Variants in RCL1 observed in about 807,000 individuals in gnomAD.
RCL1 encodes RNA terminal phosphate cyclase like 1.
A neutral mutation model predicts 42.4 loss-of-function variants in RCL1; 24 were observed. That is an observed-to-expected ratio of 0.57 (90% CI 0.41 to 0.80). The LOEUF (loss-of-function observed/expected upper bound fraction) is 0.80, where lower values mean the gene tolerates loss of function less well. Ranked by LOEUF, RCL1 falls within the 30% of genes least tolerant of loss-of-function variation. The pLI, the probability that RCL1 is intolerant of heterozygous loss-of-function variation, is 0.00. For synonymous variants in RCL1, 228 were observed against 177.3 expected (o/e 1.29, Z -2.27); for missense variants, 578 against 467.9 (o/e 1.24, Z -2.17).
intron 1 of RCL1, among the ~76,000 whole-genome samples, chr9:4,810,883 C>A (rs988911890): frequency 1.3e-4 from 20 of 152,152 alleles, no homozygotes; most frequent in Admixed American, 4.6e-4. Flanking sequence ...AGACTGAGCA[C>A]CCTTTCTTTT....
At chr9:4,854,211 C>G (rs890161894) in intron 8 of RCL1, among the ~76,000 whole-genome samples, 1 of 152,182 alleles carries the variant, frequency 6.6e-6, no homozygotes, top group Non-Finnish European at 1.5e-5. Context: ...GGGACCCCAT[C>G]TCCTGACAGT....
intron 7 of RCL1, among the ~76,000 whole-genome samples, chr9:4,848,691 G>A (rs1304322835): frequency 6.6e-6 from 1 of 152,174 alleles, no homozygotes; most frequent in East Asian, 1.9e-4. Flanking sequence ...AGGCAAAACA[G>A]TTAAAATGGC....
chr9:4,820,742 G>C (rs10974800), intron 1 of RCL1, among the ~76,000 whole-genome samples: 9 of 152,174 alleles, frequency 5.9e-5, no homozygotes, highest in Non-Finnish European at 1.0e-4. Context: ...ATAAACCTAA[G>C]TAGAAAGTGG....
At chr9:4,833,709 G>C (rs7020401) in intron 4 of RCL1, among the ~76,000 whole-genome samples, 8,151 of 152,258 alleles carry the variant, frequency 0.054, 288 homozygotes, top group African/African-American at 0.1. Context: ...GTGGTAAACC[G>C]TTTAGCATCT....
At chr9:4,831,292 G>A (rs1013817188) in intron 3 of RCL1, among the ~76,000 whole-genome samples, 1 of 149,426 alleles carries the variant, frequency 6.7e-6, no homozygotes, top group East Asian at 1.9e-4. Flanking sequence ...GAGCCAGAAG[G>A]AATGCTGTGT....
chr9:4,821,635 G>A (rs980085175), intron 1 of RCL1, among the ~76,000 whole-genome samples: 4 of 152,090 alleles, frequency 2.6e-5, no homozygotes, highest in Admixed American at 2.0e-4. Context: ...GACTGAGAGA[G>A]CTGGACTCAT....
intron 1 of RCL1, among the ~76,000 whole-genome samples, chr9:4,803,159 G>A (rs1256763043): frequency 6.6e-6 from 1 of 152,064 alleles, no homozygotes; most frequent in Non-Finnish European, 1.5e-5. Context: ...AAATGTTAAA[G>A]ACATAAACAA....
intron 7 of RCL1, among the ~76,000 whole-genome samples, chr9:4,849,160 A>G (rs1296011663): frequency 8.0e-6 from 1 of 124,450 alleles, no homozygotes; most frequent in Non-Finnish European, 1.6e-5. Context: ...TGATAAAGGG[A>G]AAGTTTCATT....
intron 1 of RCL1, among the ~76,000 whole-genome samples, chr9:4,822,426 G>T (rs1005282656): frequency 6.6e-6 from 1 of 152,106 alleles, no homozygotes; most frequent in South Asian, 2.1e-4. Flanking sequence ...GAAGACTGGA[G>T]GAGTCTTCAC....
chr9:4,842,509 G>A (rs1330916131), intron 6 of RCL1, among the ~76,000 whole-genome samples: 3 of 152,142 alleles, frequency 2.0e-5, no homozygotes, highest in African/African-American at 4.8e-5. Flanking sequence ...GGGCAAAGCT[G>A]GACTTTCTGG....
In RCL1 at chr9:4,799,172, C is replaced by G. The variant is rs375234870; in HGVS notation, c.136+5945C>G. Among the ~76,000 whole-genome samples the G allele has an allele frequency of 9.5e-4, 144 of 150,964 alleles. 2 individuals carry two copies. Among genetic ancestry groups the G allele is most frequent in the African/African-American group, 3.3e-3 (135 of 41,056 alleles). ...TCTTTTTCTTAGAGATGGGATCTCA[C>G]TATGTTGATCAGAGTGATCTCAAAC... On this transcript the variant is annotated intron_variant, in intron 1 of 8. Coordinates refer to ENST00000381750, the MANE Select transcript of RCL1 (RefSeq NM_005772.5).
chr9:4,833,449 G>A (rs1054406737), intron 4 of RCL1, among the ~76,000 whole-genome samples: 2 of 152,108 alleles, frequency 1.3e-5, no homozygotes, highest in African/African-American at 4.8e-5. Context: ...CTTCTTTTGC[G>A]GTGGGGGCCG....
intron 1 of RCL1, among the ~76,000 whole-genome samples, chr9:4,793,854 T>G (rs1200618283): frequency 1.3e-5 from 2 of 152,260 alleles, no homozygotes; most frequent in Admixed American, 1.3e-4. Flanking sequence ...TTAACAGTCA[T>G]GGGCCTAATT....
intron 8 of RCL1, among the ~76,000 whole-genome samples, chr9:4,851,515 A>G (rs10115106): frequency 0.35 from 52,897 of 152,178 alleles, 9,642 homozygotes; most frequent in South Asian, 0.46. Context: ...AGGATGCAGC[A>G]GGCAAAGTTA....
At chr9:4,822,755 A>C (rs1159102747) in intron 1 of RCL1, among the ~76,000 whole-genome samples, 1 of 152,230 alleles carries the variant, frequency 6.6e-6, no homozygotes. Flanking sequence ...CAGGAGTTCC[A>C]GGTTACAGTG....
At chr9:4,822,359 T>A (rs935642218) in intron 1 of RCL1, among the ~76,000 whole-genome samples, 9 of 152,224 alleles carry the variant, frequency 5.9e-5, no homozygotes, top group Non-Finnish European at 1.2e-4. Context: ...TCCTTGTTCA[T>A]GGGCAGGAAG....
chr9:4,819,263 A>T (rs1173975895), intron 1 of RCL1, among the ~76,000 whole-genome samples: 1 of 152,336 alleles, frequency 6.6e-6, no homozygotes, highest in East Asian at 1.9e-4. Flanking sequence ...GATCCCTTGC[A>T]TGTGCAGTTC....
chr9:4,834,847 A>G (rs1381738570), intron 5 of RCL1, among the ~76,000 whole-genome samples: 2 of 152,150 alleles, frequency 1.3e-5, no homozygotes, highest in Non-Finnish European at 2.9e-5. Flanking sequence ...CCTTTTTTGC[A>G]GATGGGGAAA....
intron 5 of RCL1, among the ~76,000 whole-genome samples, chr9:4,838,604 CT>C (rs1303362306): frequency 4.6e-5 from 7 of 152,046 alleles, no homozygotes; most frequent in Non-Finnish European, 8.8e-5. Context: ...ACACACCCCT[CT>C]TAGCTTTCTC....
Sources: gnomAD v4.1 joint callset for allele counts (sites outside exome capture counted in the v4.1 genomes callset) on GRCh38, gnomAD v4.1.1 for gene constraint, MANE v1.5 for transcripts, NCBI Gene and HGNC (gene_info 2026-07-23, HGNC 2026-07-21) for gene names.